EPB41L5: variants seen among roughly 807,000 people sequenced by gnomAD.
EPB41L5 encodes the protein erythrocyte membrane protein band 4.1 like 5.
In EPB41L5, 55 loss-of-function variants were observed where a neutral mutation model predicts 106.6. That is an observed-to-expected ratio of 0.52 (90% confidence interval 0.42 to 0.65). The LOEUF is 0.65. Ranked by LOEUF, EPB41L5 falls within the 30% of genes least tolerant of loss-of-function variation. The probability of loss-of-function intolerance (pLI) is 0.00; values close to 1 mark genes in which losing one functional copy is unlikely to be tolerated. For missense variants in EPB41L5, 871 were observed against 882.1 expected, an observed-to-expected ratio of 0.99 and a Z score of 0.16; for synonymous variants, 297 against 306.7, an observed-to-expected ratio of 0.97 and a Z score of 0.33.
chr2:120,069,872 C>G (rs1012089228), intron 3 of EPB41L5, among the ~76,000 whole-genome samples: 12 of 152,106 alleles, frequency 7.9e-5, no homozygotes, highest in Non-Finnish European at 1.6e-4. Flanking sequence ...CAGGAAAGAT[C>G]TAAAATCGAC....
At chr2:120,148,151 TTTC>T (rs1686494887) in intron 20 of EPB41L5, among the ~76,000 whole-genome samples, 1 of 151,978 alleles carries the variant, frequency 6.6e-6, no homozygotes, top group Non-Finnish European at 1.5e-5. Context: ...ATCATTTTTC[TTTC>T]TTTTTTTTAC....
chr2:120,103,950 A>G, intron 16 of EPB41L5: 1 of 1,252,052 alleles, frequency 8.0e-7, no homozygotes, highest in Non-Finnish European at 1.0e-6. Flanking sequence ...TACTCATAGC[A>G]GCAGTGCATG....
At chr2:120,077,188 A>G in intron 8 of EPB41L5, 41 bp from the exon 9 acceptor site, 1 of 1,583,594 alleles carries the variant, frequency 6.3e-7, no homozygotes, top group Non-Finnish European at 8.6e-7. Context: ...AATTTATTTT[A>G]TATTTATTGT....
chr2:120,100,955 A>G lies in EPB41L5; in HGVS notation c.1337+141A>G. ...GAGCTGGAAAGCTTATTATTAAATAATCATATTGAGATGGGGAAAATAAGG... is the reference window on the plus strand; with the variant it reads ...GAGCTGGAAAGCTTATTATTAAATAGTCATATTGAGATGGGGAAAATAAGG... On this transcript the variant is annotated intron_variant, in intron 16 of 24. Coordinates refer to ENST00000263713, the MANE Select transcript of EPB41L5 (RefSeq NM_020909.4). 1.1e-5 allele frequency: 7 copies of G among 619,392 alleles called. No homozygotes were observed. The South Asian group carries it at 1.5e-4, about 13-fold the overall frequency. 38.4% of individuals were successfully genotyped at this position (619,392 alleles called of 1,614,324 possible).
At chr2:120,156,516 TGCA>T (rs1024846913) in intron 20 of EPB41L5, among the ~76,000 whole-genome samples, 1 of 152,154 alleles carries the variant, frequency 6.6e-6, no homozygotes, top group Non-Finnish European at 1.5e-5. Context: ...CTGCCACTGC[TGCA>T]GCAGGAGGGC....
chr2:120,046,341 C>T (rs999252186), intron 3 of EPB41L5, among the ~76,000 whole-genome samples: 10 of 152,018 alleles, frequency 6.6e-5, no homozygotes, highest in South Asian at 4.1e-4. Flanking sequence ...TTTTTAATGA[C>T]GGTCATTCTA....
chr2:120,052,437 C>T (rs1434272081), intron 3 of EPB41L5, among the ~76,000 whole-genome samples: 1 of 152,126 alleles, frequency 6.6e-6, no homozygotes, highest in African/African-American at 2.4e-5. Context: ...GTCTGCTAGG[C>T]CTCACCACTA....
intron 18 of EPB41L5, among the ~76,000 whole-genome samples, chr2:120,133,494 G>T (rs1685793183): frequency 6.6e-6 from 1 of 152,106 alleles, no homozygotes; most frequent in African/African-American, 2.4e-5. Flanking sequence ...GTGTTTGTTG[G>T]TCTGTCTGTC....
chr2:120,025,511 A>G (rs1678243982), intron 2 of EPB41L5, among the ~76,000 whole-genome samples: 1 of 152,194 alleles, frequency 6.6e-6, no homozygotes, highest in Non-Finnish European at 1.5e-5. Context: ...CCAATTTGCC[A>G]GTCTGTGTCT....
At position 120,050,176 on chromosome 2, in the gene EPB41L5, C is replaced by T. The variant is rs572756741; in HGVS notation, c.285+8066C>T. 7.8e-4 allele frequency among the ~76,000 whole-genome samples: 118 copies of T among 152,070 alleles called. No individual in the cohort carries two copies. In the East Asian group the frequency reaches 0.019, roughly 24 times the overall value. ...CTCTTCTCGAGGAGTATCTTTGTGG[C>T]GTTCTCTCTATTTCCTGAATTTGAA... On this transcript the variant is annotated intron_variant, in intron 3 of 24. Coordinates refer to ENST00000263713, the MANE Select transcript of EPB41L5 (RefSeq NM_020909.4).
intron 12 of EPB41L5, 21 bp downstream of exon 12, chr2:120,090,537 T>C: frequency 5.0e-6 from 8 of 1,601,806 alleles, no homozygotes; most frequent in Non-Finnish European, 6.8e-6. Flanking sequence ...ATTGCTGTTT[T>C]ATCTGTCTTT....
intron 19 of EPB41L5, among the ~76,000 whole-genome samples, chr2:120,146,001 A>G (rs1686386042): frequency 6.6e-6 from 1 of 152,124 alleles, no homozygotes; most frequent in African/African-American, 2.4e-5. Context: ...AGATTGTGTG[A>G]ATTTGTATAC....
rs1349644743 is a variant in EPB41L5 at position 120,049,657 on chromosome 2, ATTTACG to A, written c.285+7552_285+7557del. On this transcript the variant is annotated intron_variant, in intron 3 of 24. Coordinates refer to ENST00000263713, the MANE Select transcript of EPB41L5 (RefSeq NM_020909.4). ...GTCTTTTAATTGGAGCATTTAGCCC[ATTTACG>A]TTTAAGGTTAATATTGCCATGTGTG... Among the ~76,000 whole-genome samples, 8 of 152,256 alleles carry A rather than the reference ATTTACG, an allele frequency of 5.3e-5. No individual in the cohort carries two copies. The South Asian group carries it at 8.3e-4, about 16-fold the overall frequency.
chr2:120,143,218 A>C, intron 19 of EPB41L5, 87 bp downstream of exon 19: 2 of 1,293,250 alleles, frequency 1.5e-6, no homozygotes. Flanking sequence ...AATTCTAATC[A>C]AGCTAGATTA....
chr2:120,149,299 A>G (rs1333265480), intron 20 of EPB41L5, among the ~76,000 whole-genome samples: 15 of 152,200 alleles, frequency 9.9e-5, no homozygotes, highest in South Asian at 4.1e-4. Flanking sequence ...TATTTAGTAC[A>G]TACAACCACC....
intron 20 of EPB41L5, among the ~76,000 whole-genome samples, chr2:120,158,808 T>G (rs1266627195): frequency 6.6e-6 from 1 of 152,212 alleles, no homozygotes; most frequent in Non-Finnish European, 1.5e-5. Flanking sequence ...TATCTCTGTT[T>G]CCAGACGACA....
At chr2:120,046,542 G>A (rs1456141520) in intron 3 of EPB41L5, among the ~76,000 whole-genome samples, 1 of 147,104 alleles carries the variant, frequency 6.8e-6, no homozygotes, top group Non-Finnish European at 1.5e-5. Flanking sequence ...TGAGTTCTTT[G>A]TAGATTCTGG....
intron 12 of EPB41L5, among the ~76,000 whole-genome samples, chr2:120,091,330 T>C (rs1452398148): frequency 6.6e-6 from 1 of 152,222 alleles, no homozygotes; most frequent in African/African-American, 2.4e-5. Flanking sequence ...TTAGGTGATA[T>C]GCATGCATAT....
chr2:120,051,806 G>A (rs1214357908), intron 3 of EPB41L5, among the ~76,000 whole-genome samples: 1 of 147,284 alleles, frequency 6.8e-6, no homozygotes, highest in East Asian at 2.0e-4. Flanking sequence ...TTCTTATTCG[G>A]CCATCTTGGA....
Sources: allele counts gnomAD v4.1 joint callset (sites outside exome capture counted in the v4.1 genomes callset), GRCh38; gene constraint gnomAD v4.1.1; transcripts MANE v1.5; gene names NCBI Gene and HGNC (gene_info 2026-07-23, HGNC 2026-07-21).